The following DDAH1 variants were observed in gnomAD, a reference collection of about 807,000 sequenced individuals.
DDAH1 encodes dimethylarginine dimethylaminohydrolase 1, also known as N(G),N(G)-dimethylarginine dimethylaminohydrolase 1.
DDAH1 carries 19 observed loss-of-function variants against 28.8 expected under a neutral mutation model. The observed-to-expected ratio is 0.66, with a 90% CI of 0.46 to 0.97. DDAH1 has a LOEUF of 0.97. Ranked by LOEUF, DDAH1 falls within the 50% of genes least tolerant of loss-of-function variation. DDAH1 has a pLI of 0.00. For synonymous variants in DDAH1, 153 were observed against 154.4 expected, an observed-to-expected ratio of 0.99 and a Z score of 0.07; for missense variants, 326 against 375.9, an observed-to-expected ratio of 0.87 and a Z score of 1.10.
intron 2 of DDAH1, among the ~76,000 whole-genome samples, chr1:85,486,446 T>C (rs1431839962): frequency 6.6e-6 from 1 of 152,156 alleles, no homozygotes; most frequent in Non-Finnish European, 1.5e-5. Context: ...TGAATTATAC[T>C]CTTAAAATGC....
At chr1:85,554,536 T>C (rs1168116974) in intron 1 of DDAH1, among the ~76,000 whole-genome samples, 1 of 152,214 alleles carries the variant, frequency 6.6e-6, no homozygotes, top group Non-Finnish European at 1.5e-5. Flanking sequence ...AATATTAAGA[T>C]TCCTTAGTCT....
rs555965568 is a variant in DDAH1 at position 85,513,160 on chromosome 1, C to T, written c.-122-16879G>A. Among the ~76,000 whole-genome samples, 1,164 of 152,160 alleles carry T rather than the reference C, an allele frequency of 7.6e-3. 19 individuals carry two copies. The highest frequency in any genetic ancestry group is 0.026 in the African/African-American group (1,094 of 41,510). On this transcript the variant is annotated intron_variant, in intron 1 of 6. Coordinates refer to the DDAH1 transcript ENST00000426972. ...ACTGGTACCAAAACAGATATATAGACCAATGGAACAGAACAGAGGCCTCAG... is the reference window on the plus strand; with the variant it reads ...ACTGGTACCAAAACAGATATATAGATCAATGGAACAGAACAGAGGCCTCAG...
At chr1:85,484,518 A>C (rs1322094569) in intron 2 of DDAH1, among the ~76,000 whole-genome samples, 2 of 152,092 alleles carry the variant, frequency 1.3e-5, no homozygotes, top group African/African-American at 2.4e-5. Flanking sequence ...CTTTACTTCT[A>C]GGAAACTGTG....
At chr1:85,331,814 G>GT (rs769717717) in intron 4 of DDAH1, among the ~76,000 whole-genome samples, 5 of 152,214 alleles carry the variant, frequency 3.3e-5, no homozygotes, top group Non-Finnish European at 7.3e-5. Context: ...AAAATAGCAA[G>GT]TAGATAATCA....
intron 1 of DDAH1, among the ~76,000 whole-genome samples, chr1:85,437,390 T>A (rs1653990612): frequency 6.6e-6 from 1 of 152,188 alleles, no homozygotes; most frequent in Non-Finnish European, 1.5e-5. Flanking sequence ...TATGCAGATC[T>A]TCTTCTGCTT....
At chr1:85,356,398 A>G (rs1464317001) in intron 2 of DDAH1, among the ~76,000 whole-genome samples, 2 of 152,240 alleles carry the variant, frequency 1.3e-5, no homozygotes, top group African/African-American at 4.8e-5. Context: ...AAAAGAGGAC[A>G]TAGAGCACAT....
intron 4 of DDAH1, among the ~76,000 whole-genome samples, chr1:85,334,491 G>A (rs1013345057): frequency 1.3e-5 from 2 of 152,190 alleles, no homozygotes; most frequent in Non-Finnish European, 2.9e-5. Context: ...TTGGGGGAGG[G>A]ACCCGGAGGG....
intron 1 of DDAH1, among the ~76,000 whole-genome samples, chr1:85,431,836 T>G (rs769137646): frequency 6.6e-6 from 1 of 152,152 alleles, no homozygotes; most frequent in Non-Finnish European, 1.5e-5. Flanking sequence ...AGGTGAATGA[T>G]CTTAAAGTGT....
chr1:85,512,502 C>A (rs1435253653), intron 1 of DDAH1, among the ~76,000 whole-genome samples: 1 of 152,076 alleles, frequency 6.6e-6, no homozygotes, highest in East Asian at 1.9e-4. Context: ...CTGGCCAGGG[C>A]AATCAGTCAA....
chr1:85,411,543 A>G (rs1652656765), intron 1 of DDAH1, among the ~76,000 whole-genome samples: 1 of 152,176 alleles, frequency 6.6e-6, no homozygotes, highest in Non-Finnish European at 1.5e-5. Context: ...GGGGGCAGGG[A>G]CTGTCTTTCA....
At chr1:85,339,070 T>G (rs1169273503) in intron 4 of DDAH1, among the ~76,000 whole-genome samples, 5 of 149,842 alleles carry the variant, frequency 3.3e-5, no homozygotes, top group African/African-American at 1.2e-4. Context: ...AAAATATATA[T>G]ATATATGATC....
chr1:85,350,306 T>G (rs1649123198), intron 4 of DDAH1, 109 bp downstream of exon 4: 1 of 1,422,548 alleles, frequency 7.0e-7, no homozygotes, highest in Non-Finnish European at 9.5e-7. Context: ...AATACCTGCC[T>G]GTTCTCTCCC....
chr1:85,358,988 A>C (rs1649640125), intron 1 of DDAH1, 141 bp from the exon 2 acceptor site: 5 of 556,486 alleles, frequency 9.0e-6, no homozygotes, highest in Non-Finnish European at 1.6e-5. Flanking sequence ...CATCCTTGTG[A>C]ATATATAATG....
chr1:85,499,078 C>T (rs1375154832), intron 1 of DDAH1, among the ~76,000 whole-genome samples: 2 of 151,824 alleles, frequency 1.3e-5, no homozygotes, highest in Non-Finnish European at 1.5e-5. Flanking sequence ...TCGAACAAAA[C>T]ACTCCAATTA....
chr1:85,429,905 G>T (rs1441590602), intron 1 of DDAH1, among the ~76,000 whole-genome samples: 1 of 152,056 alleles, frequency 6.6e-6, no homozygotes, highest in Non-Finnish European at 1.5e-5. Context: ...CTGGATATTA[G>T]CCCTTTGTCA....
chr1:85,524,993 A>T (rs536126565), intron 1 of DDAH1, among the ~76,000 whole-genome samples: 1 of 92,726 alleles, frequency 1.1e-5, no homozygotes, highest in Non-Finnish European at 2.7e-5. Flanking sequence ...AAAATGACTG[A>T]CTGGCACACA....
chr1:85,401,434 A>G (rs2100577124), intron 1 of DDAH1, among the ~76,000 whole-genome samples: 1 of 152,182 alleles, frequency 6.6e-6, no homozygotes, highest in African/African-American at 2.4e-5. Context: ...AAGAGTTGTA[A>G]TGAGGATGAA....
chr1:85,428,936 T>C (rs115923092), intron 1 of DDAH1, among the ~76,000 whole-genome samples: 6,480 of 151,988 alleles, frequency 0.043, 483 homozygotes, highest in African/African-American at 0.15. Context: ...AAGGTGGCAA[T>C]TGTTGGAAGT....
rs184273545 is a variant in DDAH1, at chr1:85,340,995, G to T, written c.597+9420C>A. ...GCCAGCTATGCCTGACGTTCATTCA[G>T]GTGCACTCAGACTTTGAGTCCTGCT... On this transcript the variant is annotated intron_variant, in intron 4 of 5. Coordinates refer to ENST00000284031, the MANE Select transcript of DDAH1 (RefSeq NM_012137.4). Among the ~76,000 whole-genome samples, 8 of 152,274 alleles carry T rather than the reference G, an allele frequency of 5.3e-5. No individual in the cohort carries two copies. The East Asian group carries it at 1.5e-3, about 29-fold the overall frequency.
Sources: gnomAD v4.1 joint callset for allele counts (sites outside exome capture counted in the v4.1 genomes callset) on GRCh38, gnomAD v4.1.1 for gene constraint, MANE v1.5 for transcripts, NCBI Gene and HGNC (gene_info 2026-07-23, HGNC 2026-07-21) for gene names.